Variants in SPHKAP observed in about 807,000 individuals in gnomAD.
SPHKAP encodes A-kinase anchor protein SPHKAP.
In SPHKAP, 67 loss-of-function variants were observed where a neutral mutation model predicts 137.5. That is an observed-to-expected ratio of 0.49 (90% confidence interval 0.40 to 0.60). The LOEUF is 0.60. Among genes scored for constraint, SPHKAP ranks in the 20% least tolerant of loss-of-function variants. SPHKAP has a pLI of 0.00. For missense variants in SPHKAP, 2,097 were observed against 2,069.3 expected (o/e 1.01, Z -0.26); for synonymous variants, 813 against 785.3 (o/e 1.04, Z -0.59).
At chr2:228,123,988 C>A (rs560561150) in intron 2 of SPHKAP, among the ~76,000 whole-genome samples, 1 of 151,974 alleles carries the variant, frequency 6.6e-6, no homozygotes, top group Non-Finnish European at 1.5e-5. Flanking sequence ...AAAAAATGCT[C>A]ATCATCACTG....
chr2:228,120,142 T>C (rs568665959), intron 2 of SPHKAP, among the ~76,000 whole-genome samples: 3 of 152,268 alleles, frequency 2.0e-5, no homozygotes, highest in African/African-American at 7.2e-5. Context: ...TGGTTATTAG[T>C]GAGCCTACCA....
At chr2:228,090,781 C>T (rs2106325703) in intron 3 of SPHKAP, among the ~76,000 whole-genome samples, 1 of 151,828 alleles carries the variant, frequency 6.6e-6, no homozygotes, top group African/African-American at 2.4e-5. Context: ...CTTGTTCTGT[C>T]TCTTATCATG....
At chr2:228,147,060 T>C (rs1002317190) in intron 1 of SPHKAP, among the ~76,000 whole-genome samples, 4 of 152,232 alleles carry the variant, frequency 2.6e-5, no homozygotes, top group African/African-American at 4.8e-5. Flanking sequence ...CCATATTTTA[T>C]TTCTAAATTT....
chr2:227,997,320 G>A (rs1329079149), intron 7 of SPHKAP, among the ~76,000 whole-genome samples: 1 of 152,078 alleles, frequency 6.6e-6, no homozygotes, highest in African/African-American at 2.4e-5. Context: ...TGACCAAATG[G>A]TGGAGAAGTG....
chr2:228,161,050 A>G (rs1343174568), intron 1 of SPHKAP, among the ~76,000 whole-genome samples: 1 of 152,220 alleles, frequency 6.6e-6, no homozygotes, highest in African/African-American at 2.4e-5. Context: ...TAGGTGTTAA[A>G]CAAATAATCA....
chr2:228,015,628 A>G (rs541542136), intron 7 of SPHKAP, among the ~76,000 whole-genome samples: 1 of 152,336 alleles, frequency 6.6e-6, no homozygotes, highest in East Asian at 1.9e-4. Flanking sequence ...ACCTTGCGTC[A>G]AATTCAAAAT....
At chr2:228,085,930 A>C (rs992901703) in intron 3 of SPHKAP, among the ~76,000 whole-genome samples, 6 of 152,208 alleles carry the variant, frequency 3.9e-5, no homozygotes, top group Non-Finnish European at 7.3e-5. Flanking sequence ...GAGGTCAGCC[A>C]TATCCTCAAT....
chr2:228,065,761 TAG>T lies in SPHKAP; in HGVS notation c.247-38220_247-38219del, dbSNP rs147132692. The stretch of plus-strand genomic sequence containing the variant: ...TGGCAGGGTCATCAGAATAATTTTC[TAG>T]AGAGAGACAGTGCATTGATTTGAGG... On this transcript the variant is annotated intron_variant, in intron 3 of 11. Transcript: ENST00000392056. 3.9e-3 allele frequency among the ~76,000 whole-genome samples: 591 copies of T among 152,292 alleles called. 4 individuals are homozygous for T. Among genetic ancestry groups the T allele is most frequent in the African/African-American group, 0.014 (569 of 41,566 alleles).
intron 3 of SPHKAP, among the ~76,000 whole-genome samples, chr2:228,043,233 A>G (rs1695916556): frequency 6.6e-6 from 1 of 152,234 alleles, no homozygotes; most frequent in Non-Finnish European, 1.5e-5. Flanking sequence ...CGTGAATCCA[A>G]GGCATAATTT....
Position 228,018,823 on chromosome 2 carries a change from C to T in SPHKAP, c.2031G>A (p.Arg677=), listed in dbSNP as rs553600575. 2.5e-6 allele frequency: 4 copies of T among 1,614,194 alleles called. No individual in the cohort carries two copies. The highest frequency in any genetic ancestry group is 2.5e-6 in the Non-Finnish European group (3 of 1,180,030). ...LAHTLSNVIL[R]HSIDEVHHKN... Reference sequence around the variant, plus strand: ...TGTGGTGAACTTCATCAATGGAATGCCTCAGGATAACATTGGACAGGGTAT... The same window carrying T: ...TGTGGTGAACTTCATCAATGGAATGTCTCAGGATAACATTGGACAGGGTAT... The change falls in exon 7 of 12, where the codon AGG becomes AGA. Residue 677 remains arginine (R), a synonymous_variant. Transcript: ENST00000392056.
chr2:228,151,023 G>A lies in SPHKAP; in HGVS notation c.33-18938C>T, dbSNP rs779877060. Among the ~76,000 whole-genome samples, 312 of 151,810 alleles carry A rather than the reference G, an allele frequency of 2.1e-3. 2 individuals are homozygous for A. The highest frequency in any genetic ancestry group is 3.5e-3 in the Admixed American group (54 of 15,218). Reference sequence around the variant, plus strand: ...GTGTATACATGTGCCATGCTGGTGTGCTGCACCCATTAACTTGTCATTTAG... The same window carrying A: ...GTGTATACATGTGCCATGCTGGTGTACTGCACCCATTAACTTGTCATTTAG... On this transcript the variant is annotated intron_variant, in intron 1 of 11. Transcript: ENST00000392056.
chr2:228,030,429 G>A (rs1017877070), intron 3 of SPHKAP, among the ~76,000 whole-genome samples: 23 of 118,130 alleles, frequency 1.9e-4, no homozygotes, highest in Admixed American at 4.6e-4. Flanking sequence ...CAGGAGAATC[G>A]CTTGAAGCTG....
chr2:227,992,914 C>A (rs1222233250), intron 9 of SPHKAP, among the ~76,000 whole-genome samples: 1 of 152,074 alleles, frequency 6.6e-6, no homozygotes, highest in Non-Finnish European at 1.5e-5. Flanking sequence ...CCAGAATAAC[C>A]ACATATTCTA....
chr2:227,993,430 C>A, intron 9 of SPHKAP, 104 bp downstream of exon 9: 1 of 1,013,508 alleles, frequency 9.9e-7, no homozygotes, highest in South Asian at 1.4e-5. Flanking sequence ...GCAGTACAGA[C>A]ATGATGAGGT....
intron 3 of SPHKAP, among the ~76,000 whole-genome samples, chr2:228,037,304 G>A (rs1339022517): frequency 1.3e-5 from 2 of 152,186 alleles, no homozygotes; most frequent in Non-Finnish European, 2.9e-5. Flanking sequence ...GGGCATCAAA[G>A]AGGACCCAAT....
rs1699521428 is a variant in SPHKAP at position 228,139,252 on chromosome 2, C to T, written c.33-7167G>A. 3.3e-5 allele frequency among the ~76,000 whole-genome samples: 5 copies of T among 152,220 alleles called. No individual in the cohort carries two copies. In the South Asian group the frequency reaches 1.0e-3, roughly 32 times the overall value. ...CCAATATAATGTTTTCTCTAAAACACTATGTTGAATATTGTTCAATTAATG... is the reference window on the plus strand; with the variant it reads ...CCAATATAATGTTTTCTCTAAAACATTATGTTGAATATTGTTCAATTAATG... On this transcript the variant is annotated intron_variant, in intron 1 of 11. Transcript: ENST00000392056.
At chr2:228,060,505 G>T (rs1038813970) in intron 3 of SPHKAP, among the ~76,000 whole-genome samples, 1 of 152,184 alleles carries the variant, frequency 6.6e-6, no homozygotes, top group South Asian at 2.1e-4. Flanking sequence ...ATGAGTGAAA[G>T]AACCTAGTCT....
intron 1 of SPHKAP, among the ~76,000 whole-genome samples, chr2:228,176,350 A>T (rs1700740875): frequency 6.6e-6 from 1 of 152,208 alleles, no homozygotes; most frequent in African/African-American, 2.4e-5. Context: ...TAAGACATTT[A>T]TCTGTATCAT....
At chr2:228,073,021 C>A (rs191626173) in intron 3 of SPHKAP, among the ~76,000 whole-genome samples, 6 of 152,304 alleles carry the variant, frequency 3.9e-5, no homozygotes, top group South Asian at 4.1e-4. Context: ...TTGCTTTATG[C>A]TACTAAATTT....
Sources: allele counts gnomAD v4.1 joint callset (sites outside exome capture counted in the v4.1 genomes callset), GRCh38; gene constraint gnomAD v4.1.1; transcripts MANE v1.5; gene names NCBI Gene and HGNC (gene_info 2026-07-23, HGNC 2026-07-21).